NMNAT3: variants seen among roughly 807,000 people sequenced by gnomAD.
The protein encoded by NMNAT3 is nicotinamide nucleotide adenylyltransferase 3.
A neutral mutation model predicts 24.8 loss-of-function variants in NMNAT3; 21 were observed. That is an observed-to-expected ratio of 0.85 (90% CI 0.60 to 1.22). The LOEUF is 1.22. Among genes scored for constraint, NMNAT3 ranks in the 50% most tolerant of loss-of-function variants. NMNAT3 has a pLI of 0.00. For synonymous variants in NMNAT3, 136 were observed against 155.2 expected (o/e 0.88, Z 0.92); for missense variants, 387 against 436.6 (o/e 0.89, Z 1.01).
chr3:139,665,320 G>A (rs1305120618), intron 1 of NMNAT3, among the ~76,000 whole-genome samples: 1 of 152,142 alleles, frequency 6.6e-6, no homozygotes, highest in Non-Finnish European at 1.5e-5. Flanking sequence ...CGAAACACAG[G>A]CCCCTGAGAC....
intron 1 of NMNAT3, among the ~76,000 whole-genome samples, chr3:139,665,042 C>T (rs376512080): frequency 6.6e-6 from 1 of 152,314 alleles, no homozygotes; most frequent in East Asian, 1.9e-4. Flanking sequence ...GTGATGACCA[C>T]TACCCACACC....
intron 3 of NMNAT3, among the ~76,000 whole-genome samples, chr3:139,607,475 C>T (rs1002536430): frequency 1.3e-5 from 2 of 152,180 alleles, no homozygotes; most frequent in South Asian, 4.1e-4. Flanking sequence ...TTGTGTACAC[C>T]TTTTCTTGTC....
chr3:139,609,657 G>GT (rs139711562), intron 3 of NMNAT3: 91,221 of 134,644 alleles, frequency 0.68, 28,465 homozygotes, highest in South Asian at 0.83. Context: ...CAACTTACTT[G>GT]TTTTTTTTTT....
chr3:139,595,602 C>T (rs1454716231), intron 3 of NMNAT3, among the ~76,000 whole-genome samples: 1 of 152,100 alleles, frequency 6.6e-6, no homozygotes, highest in African/African-American at 2.4e-5. Context: ...GGTACTGGTA[C>T]CAAAACAGAG....
intron 3 of NMNAT3, among the ~76,000 whole-genome samples, chr3:139,597,766 A>C (rs1219747440): frequency 6.6e-6 from 1 of 152,214 alleles, no homozygotes; most frequent in Non-Finnish European, 1.5e-5. Flanking sequence ...GGATAGTAGC[A>C]GATGGGACAT....
intron 3 of NMNAT3, among the ~76,000 whole-genome samples, chr3:139,611,152 T>C (rs2055195210): frequency 6.6e-6 from 1 of 152,012 alleles, no homozygotes. Context: ...GGAAATAACA[T>C]CATAAAGAAT....
chr3:139,665,115 T>A (rs977447055), intron 1 of NMNAT3, among the ~76,000 whole-genome samples: 1 of 152,150 alleles, frequency 6.6e-6, no homozygotes, highest in Non-Finnish European at 1.5e-5. Context: ...AGGGAGTAGT[T>A]CTGGGCTGAC....
At chr3:139,665,312 A>T (rs2057542150) in intron 1 of NMNAT3, among the ~76,000 whole-genome samples, 2 of 152,192 alleles carry the variant, frequency 1.3e-5, no homozygotes, top group South Asian at 4.1e-4. Context: ...AGAGGAGGCG[A>T]AACACAGGCC....
intron 1 of NMNAT3, among the ~76,000 whole-genome samples, chr3:139,677,454 G>C (rs1237282532): frequency 6.6e-6 from 1 of 152,228 alleles, no homozygotes; most frequent in Non-Finnish European, 1.5e-5. Flanking sequence ...ACGTCTCCGG[G>C]ACTCTGGTCA....
At chr3:139,572,232 A>G (rs2108050185) in intron 6 of NMNAT3, 1 of 398,638 alleles carries the variant, frequency 2.5e-6, no homozygotes, top group Non-Finnish European at 4.4e-6. Context: ...TTTTAAGAAT[A>G]CCTGCTGAGC....
At chr3:139,663,669 A>C (rs958276829) in intron 1 of NMNAT3, among the ~76,000 whole-genome samples, 1 of 152,178 alleles carries the variant, frequency 6.6e-6, no homozygotes, top group Non-Finnish European at 1.5e-5. Context: ...GAGTCCCTCC[A>C]GCAGCTAGTT....
At chr3:139,634,039 C>T (rs1045691784) in intron 2 of NMNAT3, among the ~76,000 whole-genome samples, 1 of 152,176 alleles carries the variant, frequency 6.6e-6, no homozygotes, top group Admixed American at 6.5e-5. Context: ...GGAATATGGC[C>T]TCTTCCGCCT....
chr3:139,637,144 G>T (rs2056530898), intron 2 of NMNAT3: 1 of 152,216 alleles, frequency 6.6e-6, no homozygotes, highest in Non-Finnish European at 1.5e-5. Flanking sequence ...TGAGTCAGGA[G>T]AGGCCAGGTA....
intron 1 of NMNAT3, among the ~76,000 whole-genome samples, chr3:139,644,978 T>C (rs2056823631): frequency 6.6e-6 from 1 of 152,102 alleles, no homozygotes; most frequent in South Asian, 2.1e-4. Context: ...CCGAGGTGGA[T>C]GGATCATGAG....
intron 2 of NMNAT3, among the ~76,000 whole-genome samples, chr3:139,631,891 A>AT (rs1232160189): frequency 2.0e-5 from 3 of 152,014 alleles, no homozygotes; most frequent in Non-Finnish European, 4.4e-5. Context: ...GAGAACTGTC[A>AT]TTTTTTTAAT....
At chr3:139,613,879 G>A (rs546063855) in intron 3 of NMNAT3, among the ~76,000 whole-genome samples, 8 of 151,930 alleles carry the variant, frequency 5.3e-5, no homozygotes, top group South Asian at 4.2e-4. Flanking sequence ...GCAAAGTATC[G>A]CAAGGACAAA....
intron 3 of NMNAT3, among the ~76,000 whole-genome samples, chr3:139,601,794 C>T (rs979627480): frequency 2.6e-5 from 4 of 152,058 alleles, no homozygotes; most frequent in East Asian, 1.9e-4. Flanking sequence ...GTCAGGAGCC[C>T]GAAAGAAGCT....
At chr3:139,661,198 G>T (rs866726038) in intron 1 of NMNAT3, among the ~76,000 whole-genome samples, 12 of 152,264 alleles carry the variant, frequency 7.9e-5, no homozygotes, top group Admixed American at 1.3e-4. Context: ...CTGTGCAACG[G>T]GGCGAACTCA....
intron 1 of NMNAT3, among the ~76,000 whole-genome samples, chr3:139,669,640 G>A (rs1298786891): frequency 6.6e-6 from 1 of 151,984 alleles, no homozygotes; most frequent in African/African-American, 2.4e-5. Context: ...TCTATATAAA[G>A]GCAATGACTA....
Sources: allele counts gnomAD v4.1 joint callset (sites outside exome capture counted in the v4.1 genomes callset), GRCh38; gene constraint gnomAD v4.1.1; transcripts MANE v1.5; gene names NCBI Gene and HGNC (gene_info 2026-07-23, HGNC 2026-07-21).